The following PASK variants were observed in gnomAD, a reference collection of about 807,000 sequenced individuals.
PASK encodes the protein PAS domain containing serine/threonine kinase.
A neutral mutation model predicts 121.0 loss-of-function variants in PASK; 110 were observed. The observed-to-expected ratio is 0.91, with a 90% CI of 0.78 to 1.06. PASK has a LOEUF of 1.06. PASK is among the 50% of genes least tolerant of loss of function. The pLI, the probability that PASK is intolerant of heterozygous loss-of-function variation, is 0.00. For missense variants in PASK, 1,643 were observed against 1,702.3 expected (o/e 0.97, Z 0.61); for synonymous variants, 686 against 717.8 (o/e 0.96, Z 0.71).
At position 241,138,679 on chromosome 2, in the gene PASK, G is replaced by T; in HGVS notation, c.716C>A (p.Ser239Ter). ...VVVLEPVERV[S>*]TWVAFQSDGT... is the part of the protein sequence containing the mutation. The stretch of plus-strand genomic sequence containing the variant: ...ATCGCTCTGGAAAGCGACCCAGGTC[G>T]AGACCCTCTCCACGGGCTCCAGGAC... Residue 239 changes from serine to a stop codon, truncating the protein, a stop_gained, in exon 5 of 18, where the codon TCG becomes TAG. Coordinates refer to ENST00000234040, the MANE Select transcript of PASK (RefSeq NM_015148.4). LOFTEE classifies it high-confidence loss of function. 1 of 1,614,078 alleles carries T rather than the reference G, an allele frequency of 6.2e-7. No homozygotes were observed. Among genetic ancestry groups the T allele is most frequent in the Non-Finnish European group, 8.5e-7 (1 of 1,180,046 alleles).
chr2:241,114,469 G>A (rs934695285), intron 14 of PASK: 1 of 997,836 alleles, frequency 1.0e-6, no homozygotes, highest in African/African-American at 1.7e-5. Flanking sequence ...CCCAACACGA[G>A]TTACCGTTTC....
At chr2:241,133,745 G>C (rs2066277283) in intron 8 of PASK, 1 of 153,516 alleles carries the variant, frequency 6.5e-6, no homozygotes. Context: ...CACTTTGGGA[G>C]ACCGAGGCGG....
intron 11 of PASK, 102 bp downstream of exon 11, chr2:241,123,847 A>C: frequency 1.0e-6 from 1 of 972,542 alleles, no homozygotes; most frequent in Non-Finnish European, 1.6e-6. Context: ...CTACAAACAG[A>C]CTGTATTCCC....
chr2:241,126,684 T>C lies in PASK; in HGVS notation c.2231A>G (p.Lys744Arg), dbSNP rs2065881258. The change falls in exon 10 of 18, where the codon AAG (lysine) becomes AGG (arginine). Residue 744 changes from lysine to arginine, a missense_variant. Lys to Arg is a conservative substitution (Grantham distance 26). Transcript: ENST00000234040. ...VDVNSFSWNLKELFFSDQTDQ... is the reference protein window; with the variant it reads ...VDVNSFSWNLRELFFSDQTDQ... ...TGTCTGGTCACTGAAAAAGAGTTCC[T>C]TGAGGTTCCAGGAAAACGAATTCAC... The C allele has an allele frequency of 1.2e-6, 2 of 1,614,232 alleles. No individual in the cohort carries two copies. The highest frequency in any genetic ancestry group is 1.7e-6 in the Non-Finnish European group (2 of 1,180,046).
At chr2:241,135,833 CA>C in intron 8 of PASK, 37 bp downstream of exon 8, 1 of 1,593,890 alleles carries the variant, frequency 6.3e-7, no homozygotes, top group South Asian at 1.1e-5. Flanking sequence ...TGGGGCTCAG[CA>C]GCTACAGGCG....
intron 1 of PASK, among the ~76,000 whole-genome samples, chr2:241,148,050 C>T (rs1341180653): frequency 1.3e-5 from 2 of 152,204 alleles, no homozygotes; most frequent in African/African-American, 4.8e-5. Context: ...CCTTAGATCA[C>T]TAAATTTTGA....
Position 241,140,698 on chromosome 2 carries a change from T to C in PASK, c.252A>G (p.Thr84=), listed in dbSNP as rs770450740. The C allele has an allele frequency of 7.1e-5, 115 of 1,614,028 alleles. No individual in the cohort carries two copies. Among genetic ancestry groups the C allele is most frequent in the Non-Finnish European group, 1.2e-5 (14 of 1,180,004 alleles). The change falls in exon 3 of 18, where the codon ACA becomes ACG. Residue 84 remains threonine (T), a synonymous_variant. Coordinates refer to ENST00000234040, the MANE Select transcript of PASK (RefSeq NM_015148.4). ...LSSLAAQNIC[T]SKLHCPAAPE... Reference sequence around the variant, plus strand: ...GGGCAGCAGGGCAGTGCAGTTTACTTGTACAAATATTCTGGGCAGCCAGTG... The same window carrying C: ...GGGCAGCAGGGCAGTGCAGTTTACTCGTACAAATATTCTGGGCAGCCAGTG...
At chr2:241,142,748 C>T (rs1331685274) in intron 2 of PASK, 89 bp downstream of exon 2, 12 of 1,020,100 alleles carry the variant, frequency 1.2e-5, no homozygotes, top group East Asian at 2.5e-5. Context: ...TGACTTCAAT[C>T]CCTGGTGAGA....
rs2065877686 is a variant in PASK at position 241,126,616 on chromosome 2, T to C, written c.2299A>G (p.Arg767Gly). ...SNCSCATSEL[R>G]ETPSSLAVGS... Reference sequence around the variant, plus strand: ...ACTGCCAAGGAAGAGGGTGTCTCTCTGAGTTCAGACGTAGCACAGGAACAA... The same window carrying C: ...ACTGCCAAGGAAGAGGGTGTCTCTCCGAGTTCAGACGTAGCACAGGAACAA... The change falls in exon 10 of 18, where the codon AGA (arginine) becomes GGA (glycine). Residue 767 changes from arginine (R) to glycine (G), a missense_variant. Physicochemically the swap from Arg to Gly is moderately radical, Grantham distance 125. Around this residue, in one of 3 missense-constraint regions of PASK, gnomAD observed 1,176 missense variants for 1,162.2 expected, o/e 1.01. Transcript: ENST00000234040. 6.2e-7 allele frequency: 1 copy of C among 1,614,116 alleles called. No homozygotes were observed. The highest frequency in any genetic ancestry group is 8.5e-7 in the Non-Finnish European group (1 of 1,180,048).
intron 10 of PASK, 126 bp downstream of exon 10, chr2:241,126,070 C>T: frequency 3.6e-6 from 3 of 842,414 alleles, no homozygotes; most frequent in South Asian, 1.4e-5. Context: ...TCCTTGAAAA[C>T]ATGATTTCTG....
At chr2:241,110,436 A>G (rs1348196212) in intron 15 of PASK, among the ~76,000 whole-genome samples, 1 of 152,190 alleles carries the variant, frequency 6.6e-6, no homozygotes, top group Non-Finnish European at 1.5e-5. Context: ...GGAGATGGGG[A>G]GAGGACGCAG....
chr2:241,125,639 AAAAG>A (rs1366134590), intron 10 of PASK, among the ~76,000 whole-genome samples: 16 of 152,192 alleles, frequency 1.1e-4, no homozygotes, highest in African/African-American at 3.8e-4. Context: ...ATGAAAATAA[AAAAG>A]AAAGTAAAAC....
At chr2:241,117,795 A>G (rs2065439179) in intron 12 of PASK, among the ~76,000 whole-genome samples, 1 of 152,224 alleles carries the variant, frequency 6.6e-6, no homozygotes, top group Non-Finnish European at 1.5e-5. Flanking sequence ...TCACTAAAAT[A>G]TGAGAGAAAA....
Position 241,108,295 on chromosome 2 carries a change from C to T in PASK, c.3539G>A (p.Arg1180Lys). The T allele has an allele frequency of 6.2e-7, 1 of 1,614,126 alleles. No homozygotes were observed. The highest frequency in any genetic ancestry group is 8.5e-7 in the Non-Finnish European group (1 of 1,180,010). Residue 1180 changes from arginine (R) to lysine (K), a missense_variant, in exon 16 of 18, where the codon AGA (arginine) becomes AAA (lysine). By Grantham distance (26) the Arg-to-Lys change is conservative. Transcript: ENST00000234040. This position sits in a 1 kb window ranked among gnomAD's most constrained non-coding sequence, Gnocchi z 5.2. ...APEVLMGNPY[R>K]GPELEMWSLG... ...AGACCACATCTCCAGCTCCGGCCCTCTGTAGCTGTGAGGAGGAGGAGGCAT... is the reference window on the plus strand; with the variant it reads ...AGACCACATCTCCAGCTCCGGCCCTTTGTAGCTGTGAGGAGGAGGAGGCAT...
intron 12 of PASK, 132 bp downstream of exon 12, chr2:241,122,600 C>G: frequency 1.2e-6 from 1 of 850,872 alleles, no homozygotes; most frequent in Non-Finnish European, 2.0e-6. Context: ...AAACCGCCCA[C>G]ATGCCAGGTT....
chr2:241,135,079 T>C (rs974105009), intron 8 of PASK, among the ~76,000 whole-genome samples: 2 of 152,170 alleles, frequency 1.3e-5, no homozygotes, highest in Admixed American at 6.5e-5. Context: ...CTGCCCCTCA[T>C]TGCTCCCAGC....
chr2:241,112,307 C>A lies in PASK; in HGVS notation c.3466G>T (p.Gly1156Ter), dbSNP rs752848450. The change falls in exon 15 of 18, where the codon GGA (glycine) becomes TGA (stop). Residue 1156 changes from glycine to a stop codon, truncating the protein, a stop_gained. Coordinates refer to ENST00000234040, the MANE Select transcript of PASK (RefSeq NM_015148.4). LOFTEE classifies it high-confidence loss of function. The surrounding 1 kb of genome is among the most constrained non-coding windows in gnomAD (Gnocchi z 5.2). ...DFGSAAYLER[G>*]KLFYTFCGTI... ...CCACAAAAAGTATAAAATAATTTTC[C>A]CCTTTCCAAGTAGGCGGCCGAGCCA... The A allele has an allele frequency of 3.7e-6, 6 of 1,613,632 alleles. No individual in the cohort carries two copies. Among genetic ancestry groups the A allele is most frequent in the Non-Finnish European group, 3.4e-6 (4 of 1,179,832 alleles).
In PASK at chr2:241,140,576, G is replaced by T. The variant is rs749108005; in HGVS notation, c.374C>A (p.Ala125Asp). The change falls in exon 3 of 18, where the codon GCC becomes GAC. Residue 125 changes from alanine (A) to aspartate (D), a missense_variant. Transcript: ENST00000234040. ...SSGWSSPLLP[A>D]PVCNPNKAIF... ...GGCCTTGTTAGGGTTGCACACAGGG[G>T]CCGGAAGCAGAGGTGAGGACCACCC... 5.6e-6 allele frequency: 9 copies of T among 1,614,094 alleles called. No individual in the cohort carries two copies. In the South Asian group the frequency reaches 9.9e-5, roughly 18 times the overall value.
chr2:241,116,236 G>C (rs1385638776), intron 12 of PASK, among the ~76,000 whole-genome samples: 1 of 152,242 alleles, frequency 6.6e-6, no homozygotes, highest in Non-Finnish European at 1.5e-5. Context: ...CACATCCCCT[G>C]CATTTACCTC....
Sources: allele counts gnomAD v4.1 joint callset (sites outside exome capture counted in the v4.1 genomes callset), GRCh38; gene constraint gnomAD v4.1.1; regional missense constraint gnomAD v4.1.1; non-coding constraint Gnocchi (gnomAD v3.1); transcripts MANE v1.5; gene names NCBI Gene and HGNC (gene_info 2026-07-23, HGNC 2026-07-21).